ETV6: variants seen among roughly 807,000 people sequenced by gnomAD.
The protein encoded by ETV6 is transcription factor ETV6.
ETV6 carries 16 observed loss-of-function variants against 51.1 expected under a neutral mutation model. The ratio of observed to expected loss-of-function variants is 0.31; its 90% CI spans 0.21 to 0.48. ETV6 has a LOEUF of 0.48. ETV6 is among the 20% of genes least tolerant of loss of function. The probability of loss-of-function intolerance (pLI) is 0.99; values close to 1 mark genes in which losing one functional copy is unlikely to be tolerated. For synonymous variants in ETV6, 240 were observed against 224.1 expected (o/e 1.07, Z -0.64); for missense variants, 458 against 594.8 (o/e 0.77, Z 2.39).
At chr12:11,823,348 T>C (rs1435139552) in intron 2 of ETV6, among the ~76,000 whole-genome samples, 3 of 152,190 alleles carry the variant, frequency 2.0e-5, no homozygotes, top group Non-Finnish European at 2.9e-5. Flanking sequence ...TTGTGAACTA[T>C]TAAAAATTTC....
intron 2 of ETV6, among the ~76,000 whole-genome samples, chr12:11,775,074 A>G (rs1019197962): frequency 1.1e-4 from 16 of 152,316 alleles, no homozygotes; most frequent in African/African-American, 3.6e-4. Context: ...CTGTCTCTGT[A>G]TGGTTTCAGC....
chr12:11,735,331 G>A (rs184932213), intron 1 of ETV6, among the ~76,000 whole-genome samples: 32 of 152,158 alleles, frequency 2.1e-4, no homozygotes, highest in Admixed American at 1.7e-3. Flanking sequence ...TGCGAGTTAC[G>A]GTTATGGGAG....
chr12:11,767,068 C>T (rs1272723234), intron 2 of ETV6, among the ~76,000 whole-genome samples: 1 of 152,070 alleles, frequency 6.6e-6, no homozygotes, highest in Non-Finnish European at 1.5e-5. Flanking sequence ...ATGGCGGTAT[C>T]ATTTGGGGCG....
rs560412531 is a variant in ETV6, at chr12:11,872,071, C to T, written c.1009+2102C>T. Reference sequence around the variant, plus strand: ...TTCTTGCATGGTGTGTGCAGCAGTACTTGACATTTTGCAGATACCTTTTGC... The same window carrying T: ...TTCTTGCATGGTGTGTGCAGCAGTATTTGACATTTTGCAGATACCTTTTGC... On this transcript the variant is annotated intron_variant, in intron 5 of 7. Coordinates refer to ENST00000396373, the MANE Select transcript of ETV6 (RefSeq NM_001987.5). 2.0e-5 allele frequency among the ~76,000 whole-genome samples: 3 copies of T among 152,292 alleles called. No individual in the cohort carries two copies. In the South Asian group the frequency reaches 6.2e-4, roughly 32 times the overall value.
intron 1 of ETV6, among the ~76,000 whole-genome samples, chr12:11,661,948 G>A (rs1864107749): frequency 6.6e-6 from 1 of 152,228 alleles, no homozygotes; most frequent in Non-Finnish European, 1.5e-5. Flanking sequence ...AGCACAGCAA[G>A]GCTGGGGTGA....
In ETV6 at chr12:11,650,012, TG is replaced by T; in HGVS notation, c.-114del. ...CCGGGGCGGCTGCCGGGAGAGATGC[TG>T]GAAGAAACTTCTTAAATGACCGCGT... On this transcript the variant is annotated 5_prime_UTR_variant, in exon 1 of 8. It introduces an in-frame stop codon into an upstream open reading frame of the 5' UTR. Coordinates refer to ENST00000396373, the MANE Select transcript of ETV6 (RefSeq NM_001987.5). 4.1e-6 allele frequency: 4 copies of T among 986,052 alleles called. No individual in the cohort carries two copies. The highest frequency in any genetic ancestry group is 2.7e-5 in the South Asian group (2 of 73,262). 61.1% of individuals were successfully genotyped at this position (986,052 alleles called of 1,614,324 possible).
chr12:11,748,685 A>G (rs1182430698), intron 1 of ETV6, among the ~76,000 whole-genome samples: 2 of 152,192 alleles, frequency 1.3e-5, no homozygotes, highest in African/African-American at 2.4e-5. Flanking sequence ...GAGAAATGCC[A>G]TTCTCCTACT....
intron 1 of ETV6, among the ~76,000 whole-genome samples, chr12:11,735,057 TCCCAAAGG>T (rs1865676630): frequency 6.8e-6 from 1 of 146,900 alleles, no homozygotes; most frequent in South Asian, 2.2e-4. Flanking sequence ...ATGGCATGTG[TCCCAAAGG>T]TGCAAAGGTG....
intron 2 of ETV6, among the ~76,000 whole-genome samples, chr12:11,761,175 C>T (rs1050867294): frequency 3.9e-5 from 6 of 152,184 alleles, no homozygotes; most frequent in Middle Eastern, 3.4e-3. Context: ...TTGTTTCATT[C>T]TATCTATTGG....
At chr12:11,799,231 G>A (rs1945715017) in intron 2 of ETV6, among the ~76,000 whole-genome samples, 1 of 152,222 alleles carries the variant, frequency 6.6e-6, no homozygotes, top group Non-Finnish European at 1.5e-5. Context: ...AACTTTGCAA[G>A]TGAACTAGAT....
chr12:11,715,541 G>T (rs1384005360), intron 1 of ETV6, among the ~76,000 whole-genome samples: 2 of 152,228 alleles, frequency 1.3e-5, no homozygotes, highest in African/African-American at 4.8e-5. Context: ...GCTAGTAAGT[G>T]GTACAGCTGG....
intron 1 of ETV6, among the ~76,000 whole-genome samples, chr12:11,657,017 C>T (rs557742852): frequency 1.3e-5 from 2 of 152,170 alleles, no homozygotes; most frequent in South Asian, 2.1e-4. Context: ...TGACCCAACT[C>T]GCCTGTTCTA....
intron 1 of ETV6, among the ~76,000 whole-genome samples, chr12:11,686,183 T>C (rs977615180): frequency 6.6e-6 from 1 of 152,246 alleles, no homozygotes; most frequent in African/African-American, 2.4e-5. Flanking sequence ...ATGAAATAAT[T>C]ACTCTTCCTC....
chr12:11,765,624 T>C lies in ETV6; in HGVS notation c.163+13045T>C, dbSNP rs183504209. Among the ~76,000 whole-genome samples the C allele has an allele frequency of 2.0e-5, 3 of 152,148 alleles. No homozygotes were observed. In the East Asian group the frequency reaches 5.8e-4, roughly 29 times the overall value. ...GCTCTCACCACTTAACCATTCACAA[T>C]ATGTCTGAGAGATTAATTTTTGTAA... is the stretch of plus-strand genomic sequence containing the variant. On this transcript the variant is annotated intron_variant, in intron 2 of 7. Coordinates refer to ENST00000396373, the MANE Select transcript of ETV6 (RefSeq NM_001987.5).
In ETV6 at chr12:11,679,581, G is replaced by A. The variant is rs190423126; in HGVS notation, c.33+29421G>A. 5.9e-5 allele frequency among the ~76,000 whole-genome samples: 9 copies of A among 152,298 alleles called. No individual in the cohort carries two copies. The East Asian group carries it at 1.7e-3, about 29-fold the overall frequency. On this transcript the variant is annotated intron_variant, in intron 1 of 7. Transcript: ENST00000396373. Reference sequence around the variant, plus strand: ...GGGTTTGCCACAAAGCATGTTGAATGGTCTTGATGTTTCTCCGGTCTATAA... The same window carrying A: ...GGGTTTGCCACAAAGCATGTTGAATAGTCTTGATGTTTCTCCGGTCTATAA...
chr12:11,738,765 C>T (rs1423037444), intron 1 of ETV6, among the ~76,000 whole-genome samples: 1 of 152,172 alleles, frequency 6.6e-6, no homozygotes, highest in Non-Finnish European at 1.5e-5. Flanking sequence ...TAGTTAGAGA[C>T]TCATCTTTCT....
At chr12:11,883,276 C>CTTCTTTTTTTTTT (rs776231778) in intron 5 of ETV6, among the ~76,000 whole-genome samples, 9 of 79,100 alleles carry the variant, frequency 1.1e-4, no homozygotes, top group African/African-American at 6.6e-4. Flanking sequence ...ATGTCTTCTT[C>CTTCTTTTTTTTTT]TTTTTTTTTT....
chr12:11,677,817 G>A (rs1251120975), intron 1 of ETV6, among the ~76,000 whole-genome samples: 1 of 152,184 alleles, frequency 6.6e-6, no homozygotes, highest in Non-Finnish European at 1.5e-5. Context: ...GTTTCCAAGA[G>A]CATCTACCAT....
At position 11,869,562 on chromosome 12, in the gene ETV6, T is replaced by TCCGGTCCCC. The variant is rs750455565; in HGVS notation, c.605_613dup (p.Arg202_Pro204dup). The TCCGGTCCCC allele has an allele frequency of 4.3e-6, 7 of 1,613,838 alleles. No homozygotes were observed. The highest frequency in any genetic ancestry group is 5.9e-6 in the Non-Finnish European group (7 of 1,180,002). On this transcript the variant is annotated inframe_insertion, in exon 5 of 8. Coordinates refer to ENST00000396373, the MANE Select transcript of ETV6 (RefSeq NM_001987.5). This position sits in a 1 kb window ranked among gnomAD's most constrained non-coding sequence, Gnocchi z 5.0. ...TCTCCTGACCCCGAGCAGCGGCCCC[T>TCCGGTCCCC]CCGGTCCCCCCTGGACAACATGATC...
Sources: allele counts gnomAD v4.1 joint callset (sites outside exome capture counted in the v4.1 genomes callset), GRCh38; gene constraint gnomAD v4.1.1; non-coding constraint Gnocchi (gnomAD v3.1); transcripts MANE v1.5; gene names NCBI Gene and HGNC (gene_info 2026-07-23, HGNC 2026-07-21).